The following TFAP2B variants were observed in gnomAD, a reference collection of about 807,000 sequenced individuals.
TFAP2B encodes the protein transcription factor AP-2-beta.
A neutral mutation model predicts 44.3 loss-of-function variants in TFAP2B; 9 were observed. The ratio of observed to expected loss-of-function variants is 0.20; its 90% CI spans 0.12 to 0.35. TFAP2B has a LOEUF of 0.35. Among genes scored for constraint, TFAP2B ranks in the 10% least tolerant of loss-of-function variants. TFAP2B has a pLI of 1.00. For missense variants in TFAP2B, 509 were observed against 600.0 expected (o/e 0.85, Z 1.59); for synonymous variants, 270 against 263.8 (o/e 1.02, Z -0.23).
intron 3 of TFAP2B, among the ~76,000 whole-genome samples, chr6:50,833,076 C>T (rs1374022257): frequency 1.3e-5 from 2 of 152,184 alleles, no homozygotes; most frequent in Non-Finnish European, 2.9e-5. Flanking sequence ...GAACTGAAAG[C>T]TTCATGCTGA....
intron 6 of TFAP2B, among the ~76,000 whole-genome samples, chr6:50,840,975 C>A (rs1055551897): frequency 3.9e-5 from 6 of 152,194 alleles, no homozygotes; most frequent in African/African-American, 1.4e-4. Flanking sequence ...CAGGCGCGGC[C>A]CAAACAGCCG....
chr6:50,828,089 G>A (rs1194479903), intron 2 of TFAP2B, among the ~76,000 whole-genome samples: 1 of 152,190 alleles, frequency 6.6e-6, no homozygotes, highest in Admixed American at 6.5e-5. Context: ...ACGTGTATGG[G>A]CTGTAATGGG....
At chr6:50,839,502 T>A (rs928517999) in intron 5 of TFAP2B, among the ~76,000 whole-genome samples, 4 of 152,224 alleles carry the variant, frequency 2.6e-5, no homozygotes, top group Admixed American at 2.6e-4. Flanking sequence ...ATACCTTAGA[T>A]ACTCCAGTTT....
intron 1 of TFAP2B, chr6:50,822,100 T>C (rs1770368433): frequency 1.5e-5 from 20 of 1,302,386 alleles, no homozygotes; most frequent in Non-Finnish European, 2.0e-5. Flanking sequence ...AATCATTGTT[T>C]GATTTTGAGC....
In TFAP2B at chr6:50,843,481, G is replaced by C; in HGVS notation, c.*89G>C. ...ATTTTAGCTTTAAAATATTGGATTG[G>C]CTTTGGAAGAATTATATTAGGTAGA... On this transcript the variant is annotated 3_prime_UTR_variant, in exon 7 of 7. Transcript: ENST00000393655. The C allele has an allele frequency of 1.5e-6, 2 of 1,364,124 alleles. No individual in the cohort carries two copies. The highest frequency in any genetic ancestry group is 5.0e-5 in the East Asian group (2 of 40,084). 84.5% of individuals were successfully genotyped at this position (1,364,124 alleles called of 1,614,324 possible).
At chr6:50,819,579 G>A (rs1303613754) in intron 1 of TFAP2B, among the ~76,000 whole-genome samples, 3 of 152,166 alleles carry the variant, frequency 2.0e-5, no homozygotes, top group African/African-American at 7.2e-5. Context: ...CACTGCGTCC[G>A]AACAGAAATC....
intron 2 of TFAP2B, among the ~76,000 whole-genome samples, 155 bp downstream of exon 2, chr6:50,824,020 G>C (rs1039111618): frequency 9.2e-5 from 14 of 152,228 alleles, no homozygotes; most frequent in African/African-American, 3.4e-4. Flanking sequence ...AACTGTTTAT[G>C]TGTGTCTGTA....
At position 50,847,197 on chromosome 6, in the gene TFAP2B, A is replaced by T. The variant is rs1279535040; in HGVS notation, c.*3805A>T. ...GTGAAATTACTGGCTTAAAAAAAAA[A>T]GTATCAATTTTTTTTTAACGGAATG... is the stretch of plus-strand genomic sequence containing the variant. On this transcript the variant is annotated 3_prime_UTR_variant, in exon 7 of 7. Transcript: ENST00000393655. 1 of 152,228 alleles carries T rather than the reference A, an allele frequency of 6.6e-6. No homozygotes were observed. The highest frequency in any genetic ancestry group is 2.4e-5 in the African/African-American group (1 of 41,354). 9.4% of individuals were successfully genotyped at this position (152,228 alleles called of 1,614,324 possible). A position where few individuals can be genotyped will look rare whatever the true frequency, so the allele number is the denominator to read the frequency against.
chr6:50,826,199 C>T (rs1345837437), intron 2 of TFAP2B, among the ~76,000 whole-genome samples: 1 of 152,026 alleles, frequency 6.6e-6, no homozygotes, highest in East Asian at 1.9e-4. Context: ...AGGGCCTGCA[C>T]TGGTCCAGTC....
At chr6:50,818,797 G>A, upstream of TFAP2B, 1 of 1,097,790 alleles carries the variant, frequency 9.1e-7, no homozygotes, top group Admixed American at 1.8e-5. Context: ...TGGGAGAGGA[G>A]CGTCGGATTT....
chr6:50,830,546 T>C (rs976957564), intron 3 of TFAP2B, among the ~76,000 whole-genome samples: 6 of 152,210 alleles, frequency 3.9e-5, no homozygotes, highest in African/African-American at 1.4e-4. Flanking sequence ...AATGTGCAGC[T>C]TAAAATATTT....
intron 2 of TFAP2B, among the ~76,000 whole-genome samples, chr6:50,826,570 C>CGT (rs1770512078): frequency 7.2e-6 from 1 of 139,816 alleles, no homozygotes; most frequent in Non-Finnish European, 1.5e-5. Context: ...TGCATGAGCG[C>CGT]GCGCGCGCGC....
intron 1 of TFAP2B, among the ~76,000 whole-genome samples, chr6:50,820,884 G>A (rs1430676980): frequency 6.6e-6 from 1 of 151,262 alleles, no homozygotes; most frequent in Non-Finnish European, 1.5e-5. Context: ...AGGGAGAGAG[G>A]AAGAGGGAGG....
In TFAP2B at chr6:50,833,600, G is replaced by T. The variant is rs184152850; in HGVS notation, c.602-2461G>T. Among the ~76,000 whole-genome samples, 72 of 152,296 alleles carry T rather than the reference G, an allele frequency of 4.7e-4. 1 individual carries two copies. The highest frequency in any genetic ancestry group is 8.1e-4 in the Non-Finnish European group (55 of 68,018). ...CTGACAGAAGCTGATTGGATTGGGGGTATGCAGGTGATAATGTATATGCAG... is the reference window on the plus strand; with the variant it reads ...CTGACAGAAGCTGATTGGATTGGGGTTATGCAGGTGATAATGTATATGCAG... On this transcript the variant is annotated intron_variant, in intron 3 of 6. Transcript: ENST00000393655.
chr6:50,841,372 AGG>A (rs1762727981), intron 6 of TFAP2B, among the ~76,000 whole-genome samples: 1 of 152,116 alleles, frequency 6.6e-6, no homozygotes, highest in Non-Finnish European at 1.5e-5. Context: ...GCAGTAAAAT[AGG>A]TATTTGTCAG....
chr6:50,837,294 T>C (rs757596081), intron 4 of TFAP2B, among the ~76,000 whole-genome samples: 5 of 152,204 alleles, frequency 3.3e-5, no homozygotes, highest in Non-Finnish European at 7.3e-5. Flanking sequence ...CCTCCTTTGA[T>C]TCAGTTTTCA....
chr6:50,818,773 G>C (rs777620541), upstream of TFAP2B: 39 of 835,804 alleles, frequency 4.7e-5, no homozygotes, highest in Non-Finnish European at 7.2e-5. Context: ...TGAGACAACA[G>C]ATATAAGTTG....
chr6:50,827,040 G>A (rs888525540), intron 2 of TFAP2B, among the ~76,000 whole-genome samples: 1 of 152,188 alleles, frequency 6.6e-6, no homozygotes, highest in Non-Finnish European at 1.5e-5. Flanking sequence ...TCAGACAAGA[G>A]CCTTCTCATT....
At chr6:50,826,566 AGCGCGC>A (rs547861744) in intron 2 of TFAP2B, among the ~76,000 whole-genome samples, 14 of 143,998 alleles carry the variant, frequency 9.7e-5, no homozygotes, top group Admixed American at 4.8e-4. Context: ...ATTGTGCATG[AGCGCGC>A]GCGCGCGCGC....
Sources: allele counts gnomAD v4.1 joint callset (sites outside exome capture counted in the v4.1 genomes callset), GRCh38; gene constraint gnomAD v4.1.1; transcripts MANE v1.5; gene names NCBI Gene and HGNC (gene_info 2026-07-23, HGNC 2026-07-21).